The following NLGN1 variants were observed in gnomAD, a reference collection of about 807,000 sequenced individuals.
The protein encoded by NLGN1 is neuroligin-1.
In NLGN1, 12 loss-of-function variants were observed where a neutral mutation model predicts 65.5. That is an observed-to-expected ratio of 0.18 (90% CI 0.12 to 0.30). The LOEUF is 0.30. Ranked by LOEUF, NLGN1 falls within the 10% of genes least tolerant of loss-of-function variation. NLGN1 has a pLI of 1.00. For missense variants in NLGN1, 750 were observed against 1,007.1 expected, an observed-to-expected ratio of 0.74 and a Z score of 3.46; for synonymous variants, 350 against 359.5, an observed-to-expected ratio of 0.97 and a Z score of 0.30.
At chr3:173,447,546 A>G (rs1045465022) in intron 2 of NLGN1, among the ~76,000 whole-genome samples, 10 of 152,264 alleles carry the variant, frequency 6.6e-5, no homozygotes, top group African/African-American at 1.2e-4. Flanking sequence ...TTGGCAATGC[A>G]GGCTCTTTTT....
At chr3:173,441,269 T>G (rs1486894884) in intron 2 of NLGN1, among the ~76,000 whole-genome samples, 2 of 152,234 alleles carry the variant, frequency 1.3e-5, no homozygotes, top group Non-Finnish European at 1.5e-5. Flanking sequence ...TTTTGCTTTC[T>G]TAACATTTTT....
intron 2 of NLGN1, among the ~76,000 whole-genome samples, chr3:173,546,043 T>A (rs1202780331): frequency 1.3e-5 from 2 of 152,158 alleles, no homozygotes; most frequent in South Asian, 4.1e-4. Context: ...TGTATACCTA[T>A]GTAACAAACC....
chr3:174,083,182 T>C (rs1742590693), intron 4 of NLGN1, among the ~76,000 whole-genome samples: 1 of 152,198 alleles, frequency 6.6e-6, no homozygotes, highest in Non-Finnish European at 1.5e-5. Flanking sequence ...CATATGTTAA[T>C]ATAAAGCTAT....
At chr3:173,495,504 T>C (rs1729861159) in intron 2 of NLGN1, among the ~76,000 whole-genome samples, 1 of 151,556 alleles carries the variant, frequency 6.6e-6, no homozygotes, top group Non-Finnish European at 1.5e-5. Context: ...GTATGGCCTC[T>C]AGTAAAACAG....
intron 4 of NLGN1, among the ~76,000 whole-genome samples, chr3:174,168,961 C>T (rs1305666556): frequency 6.6e-6 from 1 of 152,138 alleles, no homozygotes; most frequent in East Asian, 1.9e-4. Context: ...GTGGACCTGA[C>T]TGAGTGTGGA....
chr3:173,967,019 G>A (rs1249863032), intron 4 of NLGN1, among the ~76,000 whole-genome samples: 1 of 152,194 alleles, frequency 6.6e-6, no homozygotes, highest in Non-Finnish European at 1.5e-5. Flanking sequence ...TTGCCTGTGA[G>A]TCATACTTAA....
chr3:173,988,359 C>G (rs1720387057), intron 4 of NLGN1, among the ~76,000 whole-genome samples: 1 of 152,156 alleles, frequency 6.6e-6, no homozygotes. Flanking sequence ...TAGATACAAG[C>G]TCATTCTACC....
chr3:174,008,348 G>A (rs774407661), intron 4 of NLGN1, among the ~76,000 whole-genome samples: 83 of 100,698 alleles, frequency 8.2e-4, no homozygotes, highest in Middle Eastern at 0.017. Flanking sequence ...TATCCAACCC[G>A]TCCCCCCCAC....
chr3:173,541,153 A>G (rs1187792782), intron 2 of NLGN1, among the ~76,000 whole-genome samples: 2 of 152,176 alleles, frequency 1.3e-5, no homozygotes, highest in African/African-American at 4.8e-5. Context: ...CAGCTTGTAC[A>G]CAATAAAGAA....
At chr3:173,692,018 G>A (rs1483662274) in intron 3 of NLGN1, among the ~76,000 whole-genome samples, 2 of 152,052 alleles carry the variant, frequency 1.3e-5, no homozygotes, top group African/African-American at 2.4e-5. Flanking sequence ...GTGGTATCTT[G>A]AATGTTGTGG....
At chr3:173,943,193 C>G (rs995351469) in intron 4 of NLGN1, among the ~76,000 whole-genome samples, 1 of 151,328 alleles carries the variant, frequency 6.6e-6, no homozygotes, top group Non-Finnish European at 1.5e-5. Context: ...CACCACTGCA[C>G]TCCAGCCTGG....
intron 4 of NLGN1, among the ~76,000 whole-genome samples, chr3:173,815,743 A>G (rs1010327961): frequency 7.9e-5 from 12 of 152,124 alleles, no homozygotes; most frequent in African/African-American, 2.7e-4. Flanking sequence ...TGCCATCTCT[A>G]TGGAAGTGAC....
At chr3:173,862,430 C>A (rs1227984595) in intron 4 of NLGN1, among the ~76,000 whole-genome samples, 1 of 141,400 alleles carries the variant, frequency 7.1e-6, no homozygotes, top group African/African-American at 2.6e-5. Context: ...GGCGTGAACC[C>A]GGGAGACGGA....
At chr3:174,227,178 C>G (rs1739877617) in intron 4 of NLGN1, among the ~76,000 whole-genome samples, 1 of 152,054 alleles carries the variant, frequency 6.6e-6, no homozygotes. Flanking sequence ...GTATAAAACA[C>G]AAAGCCATGT....
intron 4 of NLGN1, among the ~76,000 whole-genome samples, chr3:174,021,053 TC>T (rs1355070774): frequency 6.6e-6 from 1 of 151,970 alleles, no homozygotes; most frequent in Non-Finnish European, 1.5e-5. Flanking sequence ...ATTGCTCCTC[TC>T]TTGCTTTTTC....
intron 4 of NLGN1, among the ~76,000 whole-genome samples, chr3:174,152,831 A>G (rs933993331): frequency 1.3e-5 from 2 of 152,260 alleles, no homozygotes; most frequent in Middle Eastern, 3.4e-3. Context: ...ATATAACACG[A>G]TAATCCTAAA....
intron 4 of NLGN1, among the ~76,000 whole-genome samples, chr3:173,871,675 G>A (rs1731186806): frequency 6.6e-6 from 1 of 152,174 alleles, no homozygotes; most frequent in African/African-American, 2.4e-5. Flanking sequence ...ACAAGGCCAT[G>A]CCTGGAACAC....
chr3:174,080,146 A>T (rs770745767), intron 4 of NLGN1, among the ~76,000 whole-genome samples: 2 of 152,228 alleles, frequency 1.3e-5, no homozygotes, highest in Non-Finnish European at 2.9e-5. Context: ...CTGTCCAATC[A>T]AACATTTCAC....
exon 7 of NLGN1, chr3:174,281,161 C>A (rs756514589): frequency 5.6e-6 from 9 of 1,613,298 alleles, no homozygotes; most frequent in Non-Finnish European, 6.8e-6. Flanking sequence ...CCCTTAATGA[C>A]ACCCAACACC....
Sources: gnomAD v4.1 joint callset for allele counts (sites outside exome capture counted in the v4.1 genomes callset) on GRCh38, gnomAD v4.1.1 for gene constraint, MANE v1.5 for transcripts, NCBI Gene and HGNC (gene_info 2026-07-23, HGNC 2026-07-21) for gene names.